The following SLC35F4 variants were observed in gnomAD, a reference collection of about 807,000 sequenced individuals.
The protein encoded by SLC35F4 is solute carrier family 35 member F4.
A neutral mutation model predicts 44.2 loss-of-function variants in SLC35F4; 24 were observed. That is an observed-to-expected ratio of 0.54 (90% CI 0.39 to 0.76). The LOEUF (loss-of-function observed/expected upper bound fraction) is 0.76, where lower values mean the gene tolerates loss of function less well. Ranked by LOEUF, SLC35F4 falls within the 30% of genes least tolerant of loss-of-function variation. The pLI, the probability that SLC35F4 is intolerant of heterozygous loss-of-function variation, is 0.00. For synonymous variants in SLC35F4, 238 were observed against 223.6 expected (o/e 1.06, Z -0.57); for missense variants, 562 against 586.1 (o/e 0.96, Z 0.42).
upstream of SLC35F4, among the ~76,000 whole-genome samples, chr14:57,868,632 C>T (rs527823693): frequency 2.4e-4 from 37 of 152,140 alleles, 1 homozygote; most frequent in Middle Eastern, 6.8e-3. Flanking sequence ...CCCGACACCA[C>T]GCCCAGCTAA....
intron 1 of SLC35F4, among the ~76,000 whole-genome samples, chr14:57,664,201 T>A (rs1449208940): frequency 6.6e-6 from 1 of 152,132 alleles, no homozygotes; most frequent in Admixed American, 6.5e-5. Context: ...CACATCTAGG[T>A]CAGTCTGATG....
chr14:57,898,001 T>G (rs1888918678), intron 1 of SLC35F4, among the ~76,000 whole-genome samples: 1 of 152,202 alleles, frequency 6.6e-6, no homozygotes, highest in African/African-American at 2.4e-5. Context: ...ATATATCTTC[T>G]TCAGGTAGCA....
At chr14:57,625,352 A>G (rs932381292) in intron 1 of SLC35F4, among the ~76,000 whole-genome samples, 2 of 152,222 alleles carry the variant, frequency 1.3e-5, no homozygotes, top group African/African-American at 2.4e-5. Context: ...GGAAGAATCA[A>G]TATCATAAAA....
intron 1 of SLC35F4, among the ~76,000 whole-genome samples, chr14:57,785,671 G>A (rs565225727): frequency 2.6e-5 from 4 of 152,164 alleles, no homozygotes; most frequent in African/African-American, 9.7e-5. Flanking sequence ...CTGAAGGTCT[G>A]TTTGCAGGAA....
chr14:57,601,213 T>G (rs906422391), intron 1 of SLC35F4, among the ~76,000 whole-genome samples: 2 of 151,984 alleles, frequency 1.3e-5, no homozygotes, highest in East Asian at 3.9e-4. Context: ...TTATTATAAA[T>G]AATAATTATA....
intron 1 of SLC35F4, among the ~76,000 whole-genome samples, chr14:57,661,866 T>C (rs1461844943): frequency 2.6e-5 from 4 of 152,140 alleles, no homozygotes; most frequent in African/African-American, 9.7e-5. Context: ...CACGTAATAA[T>C]GACCACACAC....
At chr14:57,829,448 A>G (rs1884122522) in intron 1 of SLC35F4, among the ~76,000 whole-genome samples, 1 of 152,208 alleles carries the variant, frequency 6.6e-6, no homozygotes, top group Admixed American at 6.5e-5. Flanking sequence ...GCTACCACTG[A>G]GGAAAGCTAT....
intron 1 of SLC35F4, among the ~76,000 whole-genome samples, chr14:57,768,992 A>C (rs2077298341): frequency 6.6e-6 from 1 of 152,008 alleles, no homozygotes; most frequent in African/African-American, 2.4e-5. Context: ...ACCTCAACTG[A>C]TTTGCCTGCC....
At position 57,579,288 on chromosome 14, in the gene SLC35F4, C is replaced by T. The variant is rs1354965404; in HGVS notation, c.807+1926G>A. The T allele has an allele frequency of 2.6e-5, 4 of 152,206 alleles. No individual in the cohort carries two copies. In the East Asian group the frequency reaches 5.8e-4, roughly 22 times the overall value. The allele number at this position is 152,206 out of a possible 1,614,324, so 9.4% of individuals were successfully genotyped here. ...GATCTTTTTTGGAGTCACCACTCAA[C>T]CCACTGCAGATGGCAAATTTTAAAT... On this transcript the variant is annotated intron_variant, in intron 4 of 7. Transcript: ENST00000556826.
intron 1 of SLC35F4, among the ~76,000 whole-genome samples, chr14:57,937,862 T>A (rs1484091309): frequency 6.6e-6 from 1 of 152,128 alleles, no homozygotes; most frequent in Non-Finnish European, 1.5e-5. Flanking sequence ...TTCAGAGTTA[T>A]GCAGCATCAA....
chr14:57,794,952 G>A (rs758099208), intron 1 of SLC35F4, among the ~76,000 whole-genome samples: 1 of 152,016 alleles, frequency 6.6e-6, no homozygotes, highest in African/African-American at 2.4e-5. Flanking sequence ...TCAGAAGATG[G>A]GTTTTGAATT....
intron 1 of SLC35F4, among the ~76,000 whole-genome samples, chr14:57,878,030 T>C (rs1294029443): frequency 2.0e-5 from 3 of 152,108 alleles, no homozygotes; most frequent in Admixed American, 2.0e-4. Flanking sequence ...TGAGATGGTA[T>C]CTCGTTGTGG....
chr14:57,888,825 A>G (rs1361759223), intron 1 of SLC35F4, among the ~76,000 whole-genome samples: 1 of 152,222 alleles, frequency 6.6e-6, no homozygotes, highest in Admixed American at 6.5e-5. Flanking sequence ...AACTTATTGC[A>G]TCAAAGATTA....
At chr14:57,847,007 A>G (rs569432577) in intron 1 of SLC35F4, among the ~76,000 whole-genome samples, 43 of 152,390 alleles carry the variant, frequency 2.8e-4, no homozygotes, top group Admixed American at 1.5e-3. Flanking sequence ...AGACCATGAC[A>G]AATATAGAAA....
intron 1 of SLC35F4, among the ~76,000 whole-genome samples, chr14:57,812,444 A>C (rs753936239): frequency 4.1e-4 from 63 of 152,300 alleles, no homozygotes; most frequent in Admixed American, 2.1e-3. Flanking sequence ...AGGGCGGCTT[A>C]GGGAGATATT....
chr14:57,733,488 G>C (rs978808993), intron 1 of SLC35F4, among the ~76,000 whole-genome samples: 3 of 149,872 alleles, frequency 2.0e-5, no homozygotes, highest in Admixed American at 1.3e-4. Flanking sequence ...GCCAGAAAAA[G>C]CTTTTTTTTT....
rs141599400 is a variant in SLC35F4 at position 57,786,830 on chromosome 14, C to A, written c.103+78893G>T. ...AAATGAGAAGGAACCAGAAAACCAA[C>A]CCTGGTAATATGACAAAACATGGCT... On this transcript the variant is annotated intron_variant, in intron 1 of 7. Coordinates refer to ENST00000556826, the MANE Select transcript of SLC35F4 (RefSeq NM_001306087.2). 4.4e-3 allele frequency among the ~76,000 whole-genome samples: 670 copies of A among 152,266 alleles called. 39 individuals carry two copies. In the East Asian group the frequency reaches 0.11, roughly 26 times the overall value.
intron 1 of SLC35F4, among the ~76,000 whole-genome samples, chr14:57,733,360 TAAA>T (rs71104585): frequency 0.52 from 71,611 of 138,426 alleles, 18,525 homozygotes; most frequent in Middle Eastern, 0.59. Context: ...CAATTTTCTT[TAAA>T]AAAAAAAAAA....
intron 1 of SLC35F4, among the ~76,000 whole-genome samples, chr14:57,619,512 C>A (rs768305830): frequency 6.6e-6 from 1 of 152,118 alleles, no homozygotes; most frequent in African/African-American, 2.4e-5. Flanking sequence ...ACAAAAAGGA[C>A]GTCCACCAGG....
Sources: allele counts gnomAD v4.1 joint callset (sites outside exome capture counted in the v4.1 genomes callset), GRCh38; gene constraint gnomAD v4.1.1; transcripts MANE v1.5; gene names NCBI Gene and HGNC (gene_info 2026-07-23, HGNC 2026-07-21).